NLGN1: variants seen among roughly 807,000 people sequenced by gnomAD.
The protein encoded by NLGN1 is neuroligin 1.
NLGN1 carries 12 observed loss-of-function variants against 65.5 expected under a neutral mutation model. The ratio of observed to expected loss-of-function variants is 0.18; its 90% CI spans 0.12 to 0.30. The LOEUF (loss-of-function observed/expected upper bound fraction) is 0.30, where lower values mean the gene tolerates loss of function less well. NLGN1 is among the 10% of genes least tolerant of loss of function. The pLI is 1.00. For synonymous variants in NLGN1, 350 were observed against 359.5 expected (o/e 0.97, Z 0.30); for missense variants, 750 against 1,007.1 (o/e 0.74, Z 3.46).
intron 4 of NLGN1, among the ~76,000 whole-genome samples, chr3:173,819,282 C>A (rs1005887324): frequency 1.3e-5 from 2 of 152,070 alleles, no homozygotes; most frequent in African/African-American, 2.4e-5. Flanking sequence ...AATTCATATG[C>A]CAATTGCATC....
chr3:173,512,435 C>G (rs1274801173), intron 2 of NLGN1, among the ~76,000 whole-genome samples: 1 of 152,144 alleles, frequency 6.6e-6, no homozygotes, highest in Non-Finnish European at 1.5e-5. Flanking sequence ...CAAGCCACCT[C>G]TCTCCGATGT....
intron 5 of NLGN1, among the ~76,000 whole-genome samples, chr3:174,278,139 G>A (rs1372778089): frequency 1.3e-5 from 2 of 151,842 alleles, no homozygotes; most frequent in African/African-American, 2.4e-5. Context: ...ATTCAACAGC[G>A]GCAAAAGTTA....
At chr3:173,869,912 C>A (rs1010323143) in intron 4 of NLGN1, among the ~76,000 whole-genome samples, 4 of 152,122 alleles carry the variant, frequency 2.6e-5, no homozygotes, top group African/African-American at 7.2e-5. Flanking sequence ...CAGGCAGAGG[C>A]ATCTGATTCA....
intron 4 of NLGN1, among the ~76,000 whole-genome samples, chr3:173,943,985 GATA>G (rs1190004528): frequency 1.3e-5 from 2 of 152,152 alleles, no homozygotes; most frequent in Non-Finnish European, 2.9e-5. Flanking sequence ...AAGAAATGCA[GATA>G]ATGAGTGACT....
chr3:174,261,252 T>C (rs1217106769), intron 4 of NLGN1, among the ~76,000 whole-genome samples: 1 of 151,014 alleles, frequency 6.6e-6, no homozygotes, highest in Non-Finnish European at 1.5e-5. Flanking sequence ...GGGGATGGCA[T>C]TGAATCTGTA....
At chr3:173,679,385 G>A (rs1372382922) in intron 3 of NLGN1, among the ~76,000 whole-genome samples, 1 of 152,056 alleles carries the variant, frequency 6.6e-6, no homozygotes, top group Non-Finnish European at 1.5e-5. Context: ...TTTACAGGCA[G>A]CACTAATTCT....
At chr3:173,881,089 CTTTT>C (rs928288845) in intron 4 of NLGN1, among the ~76,000 whole-genome samples, 4 of 108,228 alleles carry the variant, frequency 3.7e-5, no homozygotes, top group African/African-American at 7.2e-5. Flanking sequence ...AGGCTCCCTC[CTTTT>C]TTTTTTTTTT....
chr3:173,854,469 G>T (rs1727564538), intron 4 of NLGN1, among the ~76,000 whole-genome samples: 1 of 151,926 alleles, frequency 6.6e-6, no homozygotes, highest in Non-Finnish European at 1.5e-5. Context: ...TTCTGTGGCT[G>T]TGTCTACAAT....
intron 4 of NLGN1, among the ~76,000 whole-genome samples, chr3:174,203,025 G>C (rs1187608923): frequency 6.6e-6 from 1 of 151,988 alleles, no homozygotes; most frequent in Non-Finnish European, 1.5e-5. Context: ...TATTTATTTT[G>C]AGGGTAGAGC....
At chr3:173,985,330 A>C (rs1196574302) in intron 4 of NLGN1, among the ~76,000 whole-genome samples, 1 of 152,070 alleles carries the variant, frequency 6.6e-6, no homozygotes, top group Non-Finnish European at 1.5e-5. Flanking sequence ...ACCCCTTTTT[A>C]TTAGAGCCTG....
intron 2 of NLGN1, among the ~76,000 whole-genome samples, chr3:173,445,587 C>T (rs191381364): frequency 2.6e-5 from 4 of 152,278 alleles, no homozygotes; most frequent in Admixed American, 2.0e-4. Flanking sequence ...CAATTGGTAC[C>T]GTCTGCACTA....
chr3:173,750,919 G>C (rs920217180), intron 3 of NLGN1, among the ~76,000 whole-genome samples: 15 of 152,034 alleles, frequency 9.9e-5, no homozygotes, highest in African/African-American at 3.4e-4. Context: ...CTTAACTGCT[G>C]GTAGAAAGAA....
chr3:173,851,674 G>C (rs1338108346), intron 4 of NLGN1, among the ~76,000 whole-genome samples: 1 of 151,926 alleles, frequency 6.6e-6, no homozygotes, highest in Non-Finnish European at 1.5e-5. Flanking sequence ...ACCTTCTTGG[G>C]TCAGATACCT....
chr3:174,203,543 T>C (rs1325470163), intron 4 of NLGN1, among the ~76,000 whole-genome samples: 2 of 152,174 alleles, frequency 1.3e-5, no homozygotes, highest in Non-Finnish European at 2.9e-5. Flanking sequence ...TTCCATCATC[T>C]AGCATGCTGC....
intron 4 of NLGN1, among the ~76,000 whole-genome samples, chr3:174,195,565 C>T (rs536505448): frequency 6.6e-6 from 1 of 152,260 alleles, no homozygotes; most frequent in Non-Finnish European, 1.5e-5. Context: ...TGGACTTGGA[C>T]TTAGTGAGGG....
chr3:174,066,564 C>CTCTCTCTCTCTCTGTG (rs1553925385), intron 4 of NLGN1, among the ~76,000 whole-genome samples: 9 of 100,100 alleles, frequency 9.0e-5, no homozygotes, highest in East Asian at 3.5e-4. Flanking sequence ...CTCTCTCTCT[C>CTCTCTCTCTCTCTGTG]TGTGTGTGTG....
chr3:173,480,283 C>G (rs376179345), intron 2 of NLGN1, among the ~76,000 whole-genome samples: 2 of 151,908 alleles, frequency 1.3e-5, no homozygotes, highest in African/African-American at 2.4e-5. Flanking sequence ...TTAAAGTGAT[C>G]TAGAAGACAA....
chr3:174,022,298 A>G (rs1006315135), intron 4 of NLGN1, among the ~76,000 whole-genome samples: 3 of 152,082 alleles, frequency 2.0e-5, no homozygotes, highest in African/African-American at 7.2e-5. Flanking sequence ...GAAATTTAGC[A>G]TATTTGTTAC....
In NLGN1 at chr3:174,070,792, C is replaced by T. The variant is rs547111721; in HGVS notation, c.647-204523C>T. 1.1e-4 allele frequency among the ~76,000 whole-genome samples: 17 copies of T among 152,210 alleles called. No homozygotes were observed. The South Asian group carries it at 2.5e-3, about 22-fold the overall frequency. The stretch of plus-strand genomic sequence containing the variant: ...AATGGGCACTGGGTGCAGTGGCTCA[C>T]GCCTATAATTCTAACACTTTGGGAG... On this transcript the variant is annotated intron_variant, in intron 4 of 6. Transcript: ENST00000457714.
Sources: allele counts gnomAD v4.1 joint callset (sites outside exome capture counted in the v4.1 genomes callset), GRCh38; gene constraint gnomAD v4.1.1; transcripts MANE v1.5; gene names NCBI Gene and HGNC (gene_info 2026-07-23, HGNC 2026-07-21).